The following TOMM40 variants were observed in gnomAD, a reference collection of about 807,000 sequenced individuals.
TOMM40 encodes the protein translocase of outer mitochondrial membrane 40.
A neutral mutation model predicts 38.4 loss-of-function variants in TOMM40; 9 were observed. That is an observed-to-expected ratio of 0.23 (90% CI 0.14 to 0.41). The LOEUF (loss-of-function observed/expected upper bound fraction) is 0.41. Ranked by LOEUF, TOMM40 falls within the 10% of genes least tolerant of loss-of-function variation. TOMM40 has a pLI of 1.00. For synonymous variants in TOMM40, 184 were observed against 210.0 expected (o/e 0.88, Z 1.07); for missense variants, 299 against 486.5 (o/e 0.61, Z 3.63).
At chr19:44,901,755 G>A (rs1299153136) in intron 8 of TOMM40, 1 of 172,550 alleles carries the variant, frequency 5.8e-6, no homozygotes, top group East Asian at 1.5e-4. Context: ...AAAAGTAGGT[G>A]GACAACCCTC....
chr19:44,902,833 T>G (rs1969707229), intron 8 of TOMM40, 197 bp from the exon 9 acceptor site: 1 of 627,080 alleles, frequency 1.6e-6, no homozygotes, highest in South Asian at 2.1e-5. Flanking sequence ...CAGGGGTCAC[T>G]GAGCGGAGAG....
At chr19:44,898,529 T>TCC in intron 5 of TOMM40, among the ~76,000 whole-genome samples, 1 of 145,430 alleles carries the variant, frequency 6.9e-6, no homozygotes, top group Middle Eastern at 3.4e-3. Flanking sequence ...TTTTTTCTTT[T>TCC]TTTTTTTTTT....
rs34215622 is a variant in TOMM40, at chr19:44,903,281, C to CG, written c.*119dup. On this transcript the variant is annotated 3_prime_UTR_variant, in exon 9 of 9. Coordinates refer to ENST00000426677, the MANE Select transcript of TOMM40 (RefSeq NM_001128917.2). The stretch of plus-strand genomic sequence containing the variant: ...CTCCCTTCCCTCCCCCCTTGGGGGT[C>CG]GGGGGGGACATTGGAAAGGAGGGAC... 0.39 allele frequency: 429,424 copies of CG among 1,089,388 alleles called. 89,226 individuals are homozygous for CG. The highest frequency in any genetic ancestry group is 0.46 in the African/African-American group (28,356 of 61,400). 67.5% of individuals were successfully genotyped at this position (1,089,388 alleles called of 1,614,324 possible).
At chr19:44,894,948 G>A (rs1300994798) in intron 5 of TOMM40, among the ~76,000 whole-genome samples, 1 of 152,230 alleles carries the variant, frequency 6.6e-6, no homozygotes, top group Non-Finnish European at 1.5e-5. Context: ...AGTGGACGGG[G>A]AGAGGAGGTT....
At chr19:44,892,257 C>T (rs1482771301) in intron 1 of TOMM40, 136 bp from the exon 2 acceptor site, 13 of 871,840 alleles carry the variant, frequency 1.5e-5, no homozygotes, top group Non-Finnish European at 2.5e-5. Context: ...CTAGGCTGTA[C>T]TGCCTCTTTA....
Position 44,903,262 on chromosome 19 carries a change from T to G in TOMM40, c.*93T>G. 6 of 1,285,720 alleles carry G rather than the reference T, an allele frequency of 4.7e-6. No individual in the cohort carries two copies. The highest frequency in any genetic ancestry group is 5.2e-6 in the Non-Finnish European group (5 of 958,150). 79.6% of individuals were successfully genotyped at this position (1,285,720 alleles called of 1,614,324 possible). The stretch of plus-strand genomic sequence containing the variant: ...AGGGGAGACCTGAGCCCCCCTCCCT[T>G]CCCTCCCCCCTTGGGGGTCGGGGGG... On this transcript the variant is annotated 3_prime_UTR_variant, in exon 9 of 9. Transcript: ENST00000426677.
At chr19:44,900,467 T>G (rs951148649) in intron 5 of TOMM40, among the ~76,000 whole-genome samples, 3 of 152,114 alleles carry the variant, frequency 2.0e-5, no homozygotes, top group African/African-American at 4.8e-5. Context: ...ACCCCCTCTG[T>G]AAGTGGGGGT....
intron 5 of TOMM40, among the ~76,000 whole-genome samples, chr19:44,895,528 C>T (rs79398853): frequency 0.027 from 4,079 of 152,192 alleles, 56 homozygotes; most frequent in African/African-American, 0.041. Flanking sequence ...ACCACATGAG[C>T]CTTTTTTGTT....
rs1969468120 is a variant in TOMM40, at chr19:44,891,658, C to T, written c.243C>T (p.Gly81=). ...CCTGCGGCTGCCTGCCCAACCCGGG[C>T]ACATTCGAGGAGTGCCACCGGAAGT... ...DGACGCLPNP[G]TFEECHRKCK... is the part of the protein sequence containing the mutation. The change falls in exon 1 of 9, where the codon GGC becomes GGT. Residue 81 remains glycine, a synonymous_variant. Transcript: ENST00000426677. 3 of 1,480,832 alleles carry T rather than the reference C, an allele frequency of 2.0e-6. No homozygotes were observed. Among genetic ancestry groups the T allele is most frequent in the African/African-American group, 1.5e-5 (1 of 68,750 alleles). The allele number at this position is 1,480,832 out of a possible 1,614,324, so 91.7% of individuals were successfully genotyped here.
chr19:44,899,006 C>T (rs1289412806), intron 5 of TOMM40, among the ~76,000 whole-genome samples: 1 of 151,494 alleles, frequency 6.6e-6, no homozygotes, highest in African/African-American at 2.4e-5. Context: ...GTGGCGGGCT[C>T]CTGTAGTCCC....
chr19:44,903,290 C>T lies in TOMM40; in HGVS notation c.*121C>T, dbSNP rs1969719410. ...CTCCCCCCTTGGGGGTCGGGGGGGA[C>T]ATTGGAAAGGAGGGACCCCGCCACC... is the stretch of plus-strand genomic sequence containing the variant. On this transcript the variant is annotated 3_prime_UTR_variant, in exon 9 of 9. Transcript: ENST00000426677. 3.0e-6 allele frequency: 3 copies of T among 1,008,852 alleles called. No individual in the cohort carries two copies. In the East Asian group the frequency reaches 8.5e-5, roughly 29 times the overall value. The allele number at this position is 1,008,852 out of a possible 1,614,324, so 62.5% of individuals were successfully genotyped here. A position where few individuals can be genotyped will look rare whatever the true frequency, so the allele number is the denominator to read the frequency against.
chr19:44,892,763 A>G, intron 2 of TOMM40, 74 bp from the exon 3 acceptor site: 2 of 1,274,242 alleles, frequency 1.6e-6, no homozygotes, highest in Non-Finnish European at 2.3e-6. Flanking sequence ...CCCAGCCCAG[A>G]GACCTTGTCC....
rs144738835 is a variant in TOMM40, at chr19:44,901,669, G to A, written c.946+359G>A. The A allele has an allele frequency of 1.6e-5, 6 of 372,252 alleles. No homozygotes were observed. In the Admixed American group the frequency reaches 1.7e-4, roughly 10 times the overall value. The allele number at this position is 372,252 out of a possible 1,614,324, so 23.1% of individuals were successfully genotyped here. ...GGAAAATGGTATGAACCCAGGAGGC[G>A]GAGCTTGCGGTGAGCCGAGATCGTG... is the stretch of plus-strand genomic sequence containing the variant. On this transcript the variant is annotated intron_variant, in intron 8 of 8. Coordinates refer to ENST00000426677, the MANE Select transcript of TOMM40 (RefSeq NM_001128917.2).
intron 5 of TOMM40, 115 bp downstream of exon 5, chr19:44,894,181 G>C (rs528521975): frequency 1.3e-6 from 1 of 747,974 alleles, no homozygotes; most frequent in Admixed American, 3.5e-5. Flanking sequence ...CTCAGCAGGA[G>C]TGATTTTGAA....
At chr19:44,893,656 A>G in intron 3 of TOMM40, 124 bp from the exon 4 acceptor site, 1 of 723,682 alleles carries the variant, frequency 1.4e-6, no homozygotes. Flanking sequence ...GTGGTCAGAG[A>G]GCACTTCGTG....
Position 44,903,287 on chromosome 19 carries a change from G to GT in TOMM40, c.*118_*119insT. On this transcript the variant is annotated 3_prime_UTR_variant, in exon 9 of 9. Transcript: ENST00000426677. ...TCCCTCCCCCCTTGGGGGTCGGGGG[G>GT]GACATTGGAAAGGAGGGACCCCGCC... 2 of 1,175,728 alleles carry GT rather than the reference G, an allele frequency of 1.7e-6. No homozygotes were observed. The highest frequency in any genetic ancestry group is 2.3e-6 in the Non-Finnish European group (2 of 859,856). 72.8% of individuals were successfully genotyped at this position (1,175,728 alleles called of 1,614,324 possible).
chr19:44,891,487 G>C lies in TOMM40; in HGVS notation c.72G>C (p.Gly24=). The change falls in exon 1 of 9, where the codon GGG becomes GGC. Residue 24 remains glycine, a synonymous_variant. Coordinates refer to ENST00000426677, the MANE Select transcript of TOMM40 (RefSeq NM_001128917.2). ...CGCCGCCTGCGCCGGCCCTCGTGGG[G>C]CTGCCGCCACCTCCGCCCTCGCCGC... ...PPPPPAPALV[G]LPPPPPSPPG... The C allele has an allele frequency of 7.4e-7, 1 of 1,354,960 alleles. No homozygotes were observed. Among genetic ancestry groups the C allele is most frequent in the South Asian group, 1.8e-5 (1 of 55,328 alleles). 83.9% of individuals were successfully genotyped at this position (1,354,960 alleles called of 1,614,324 possible). A position where few individuals can be genotyped will look rare whatever the true frequency, so the allele number is the denominator to read the frequency against.
intron 5 of TOMM40, among the ~76,000 whole-genome samples, 194 bp from the exon 6 acceptor site, chr19:44,900,536 G>A (rs1445296435): frequency 2.0e-5 from 3 of 152,184 alleles, no homozygotes; most frequent in Non-Finnish European, 4.4e-5. Flanking sequence ...AGGTAATGCA[G>A]TCATAGCAGG....
At chr19:44,894,157 C>T in intron 5 of TOMM40, 91 bp downstream of exon 5, 2 of 989,686 alleles carry the variant, frequency 2.0e-6, no homozygotes, top group South Asian at 3.7e-5. Flanking sequence ...CCTTTTCTGC[C>T]ACTGGAGAAG....
Sources: allele counts gnomAD v4.1 joint callset (sites outside exome capture counted in the v4.1 genomes callset), GRCh38; gene constraint gnomAD v4.1.1; transcripts MANE v1.5; gene names NCBI Gene and HGNC (gene_info 2026-07-23, HGNC 2026-07-21).